The following TMEM132B variants were observed in gnomAD, a reference collection of about 807,000 sequenced individuals.
TMEM132B encodes transmembrane protein 132B.
In TMEM132B, 18 loss-of-function variants were observed where a neutral mutation model predicts 90.8. The ratio of observed to expected loss-of-function variants is 0.20; its 90% CI spans 0.14 to 0.29. TMEM132B has a LOEUF of 0.29. Among genes scored for constraint, TMEM132B ranks in the 10% least tolerant of loss-of-function variants. The pLI is 1.00. For missense variants in TMEM132B, 1,096 were observed against 1,326.8 expected, an observed-to-expected ratio of 0.83 and a Z score of 2.70; for synonymous variants, 504 against 523.3, an observed-to-expected ratio of 0.96 and a Z score of 0.50.
At chr12:125,555,626 A>G (rs1172515461) in intron 4 of TMEM132B, among the ~76,000 whole-genome samples, 1 of 150,964 alleles carries the variant, frequency 6.6e-6, no homozygotes, top group Non-Finnish European at 1.5e-5. Flanking sequence ...TGACGAGTTA[A>G]TGGGTGCAGC....
At chr12:125,199,450 T>C (rs1274442998) in intron 1 of TMEM132B, among the ~76,000 whole-genome samples, 1 of 152,042 alleles carries the variant, frequency 6.6e-6, no homozygotes, top group African/African-American at 2.4e-5. Flanking sequence ...CTGCCATGGT[T>C]TGTAGGTTCT....
At position 125,408,001 on chromosome 12, in the gene TMEM132B, G is replaced by C. The variant is rs938843234; in HGVS notation, c.960-7530G>C. ...CAGAAGGAGAGACAGAGCATGGCAGGGTCCCCAGAAGCCCAGCAGGACTCC... is the reference window on the plus strand; with the variant it reads ...CAGAAGGAGAGACAGAGCATGGCAGCGTCCCCAGAAGCCCAGCAGGACTCC... On this transcript the variant is annotated intron_variant, in intron 2 of 8. Coordinates refer to ENST00000682704, the MANE Select transcript of TMEM132B (RefSeq NM_001366854.1). The surrounding 1 kb of genome is among the most constrained non-coding windows in gnomAD (Gnocchi z 5.9). Among the ~76,000 whole-genome samples, 2 of 152,176 alleles carry C rather than the reference G, an allele frequency of 1.3e-5. No individual in the cohort carries two copies. The highest frequency in any genetic ancestry group is 2.4e-5 in the African/African-American group (1 of 41,434).
At chr12:125,537,616 A>G (rs1313284602) in intron 4 of TMEM132B, among the ~76,000 whole-genome samples, 1 of 152,208 alleles carries the variant, frequency 6.6e-6, no homozygotes, top group Non-Finnish European at 1.5e-5. Flanking sequence ...TTTCCACATG[A>G]CAAAGGCAGA....
At chr12:125,360,610 A>T (rs767350040) in intron 2 of TMEM132B, among the ~76,000 whole-genome samples, 15 of 152,236 alleles carry the variant, frequency 9.9e-5, no homozygotes, top group Non-Finnish European at 2.1e-4. Flanking sequence ...TGGAGCATTA[A>T]CTAGCAATGC....
chr12:125,531,802 C>T (rs570767232), intron 4 of TMEM132B, among the ~76,000 whole-genome samples: 3 of 152,224 alleles, frequency 2.0e-5, no homozygotes, highest in Non-Finnish European at 4.4e-5. Context: ...CCACTGGGTG[C>T]ACTTTACAAA....
intron 4 of TMEM132B, among the ~76,000 whole-genome samples, chr12:125,548,625 C>T (rs891088495): frequency 6.6e-6 from 1 of 152,090 alleles, no homozygotes; most frequent in African/African-American, 2.4e-5. Flanking sequence ...GTCGTGAGTC[C>T]AGGGGACATG....
At chr12:125,373,070 G>A (rs1027896958) in intron 2 of TMEM132B, among the ~76,000 whole-genome samples, 2 of 152,270 alleles carry the variant, frequency 1.3e-5, no homozygotes, top group East Asian at 1.9e-4. Flanking sequence ...AGCACTCATC[G>A]CCACCTGAAG....
intron 4 of TMEM132B, among the ~76,000 whole-genome samples, chr12:125,522,858 AT>A (rs1355466797): frequency 1.3e-5 from 2 of 152,194 alleles, no homozygotes; most frequent in Non-Finnish European, 2.9e-5. Flanking sequence ...TATCGTGCCC[AT>A]TGGAAAAGCA....
At chr12:125,347,471 C>A (rs1053934487) in intron 1 of TMEM132B, among the ~76,000 whole-genome samples, 7 of 152,016 alleles carry the variant, frequency 4.6e-5, no homozygotes, top group African/African-American at 1.5e-4. Flanking sequence ...ATTTTCTCAC[C>A]CTCTAGAAAA....
chr12:125,381,889 G>A (rs1878694518), intron 2 of TMEM132B, among the ~76,000 whole-genome samples: 1 of 152,156 alleles, frequency 6.6e-6, no homozygotes, highest in South Asian at 2.1e-4. Flanking sequence ...ATGGGTGCCA[G>A]GTATACATGC....
At chr12:125,271,993 A>G (rs1472058327) in intron 1 of TMEM132B, among the ~76,000 whole-genome samples, 1 of 152,224 alleles carries the variant, frequency 6.6e-6, no homozygotes, top group Non-Finnish European at 1.5e-5. Flanking sequence ...AAAACAAAGC[A>G]ATGACCTTAA....
chr12:125,484,744 C>T (rs1225103338), intron 3 of TMEM132B, among the ~76,000 whole-genome samples: 2 of 152,076 alleles, frequency 1.3e-5, no homozygotes, highest in African/African-American at 4.8e-5. Flanking sequence ...AATCTTCCCC[C>T]CTCAGCCTCC....
intron 5 of TMEM132B, among the ~76,000 whole-genome samples, chr12:125,615,252 A>AT: frequency 6.6e-6 from 1 of 151,866 alleles, no homozygotes; most frequent in South Asian, 2.1e-4. Context: ...TTCTTCAAAT[A>AT]TTTTTTCTAC....
At chr12:125,427,879 CT>C (rs757892238) in intron 3 of TMEM132B, among the ~76,000 whole-genome samples, 2 of 152,204 alleles carry the variant, frequency 1.3e-5, no homozygotes, top group Non-Finnish European at 2.9e-5. Flanking sequence ...TGGAGTCTTT[CT>C]TTCTATAGGT....
In TMEM132B at chr12:125,626,551, A is replaced by AT. The variant is rs568943124; in HGVS notation, c.1438-17517dup. On this transcript the variant is annotated intron_variant, in intron 5 of 8. Transcript: ENST00000682704. ...ATTATTTCACCTTCATTTTTGATAG[A>AT]TTTTTTTTGGCTGGGTATAGAACTA... Among the ~76,000 whole-genome samples, 1,225 of 151,994 alleles carry AT rather than the reference A, an allele frequency of 8.1e-3. 15 individuals are homozygous for AT. Among genetic ancestry groups the AT allele is most frequent in the African/African-American group, 0.027 (1,138 of 41,460 alleles).
intron 3 of TMEM132B, among the ~76,000 whole-genome samples, chr12:125,508,319 C>G (rs189482122): frequency 5.9e-5 from 9 of 152,302 alleles, no homozygotes; most frequent in Admixed American, 2.0e-4. Context: ...CTTTGTAGGT[C>G]AGCCACGAAC....
intron 2 of TMEM132B, among the ~76,000 whole-genome samples, chr12:125,358,591 C>T (rs1360047074): frequency 6.6e-6 from 1 of 152,008 alleles, no homozygotes; most frequent in Non-Finnish European, 1.5e-5. Context: ...GAGAAAGTTC[C>T]TCAATTTGGG....
intron 1 of TMEM132B, among the ~76,000 whole-genome samples, chr12:125,348,800 C>T (rs1253060745): frequency 5.9e-5 from 9 of 152,170 alleles, no homozygotes; most frequent in Admixed American, 2.0e-4. Flanking sequence ...TCCAGCCATC[C>T]GGCTCAGCAC....
intron 1 of TMEM132B, among the ~76,000 whole-genome samples, chr12:125,330,229 C>T (rs1876723382): frequency 6.6e-6 from 1 of 152,080 alleles, no homozygotes; most frequent in South Asian, 2.1e-4. Flanking sequence ...GGTTTGGGGA[C>T]AGTGACTCCC....
Sources: gnomAD v4.1 joint callset for allele counts (sites outside exome capture counted in the v4.1 genomes callset) on GRCh38, gnomAD v4.1.1 for gene constraint, Gnocchi (gnomAD v3.1) non-coding constraint, MANE v1.5 for transcripts, NCBI Gene and HGNC (gene_info 2026-07-23, HGNC 2026-07-21) for gene names.